RNF227: variants seen among roughly 807,000 people sequenced by gnomAD.
RNF227 encodes ring finger protein 227, also known as long intergenic non-protein coding RNA 2581.
Under a neutral mutation model 4.9 loss-of-function variants are expected in RNF227, and 8 were observed. The observed-to-expected ratio is 1.65, with a 90% confidence interval of 0.97 to 2.98. RNF227 has a LOEUF of 2.98. RNF227 is among the 30% of genes most tolerant of loss of function. The probability of loss-of-function intolerance (pLI) is 0.00; values close to 1 mark genes in which losing one functional copy is unlikely to be tolerated. For synonymous variants in RNF227, 63 were observed against 28.1 expected (o/e 2.25, Z -3.94); for missense variants, 136 against 65.4 (o/e 2.08, Z -3.72).
rs564076849 is a variant in RNF227, at chr17:7,914,376, A to C, written c.*1146T>G. ...AGCCTGACAAACATGGCGAAACCCCATCTCTACTAAAAATACAAAAATTAG... is the reference window on the plus strand; with the variant it reads ...AGCCTGACAAACATGGCGAAACCCCCTCTCTACTAAAAATACAAAAATTAG... On this transcript the variant is annotated 3_prime_UTR_variant, in exon 2 of 2. Coordinates refer to ENST00000324348, the MANE Select transcript of RNF227 (RefSeq NM_001358699.2). The C allele has an allele frequency of 6.6e-6, 1 of 151,954 alleles. No homozygotes were observed. The highest frequency in any genetic ancestry group is 2.1e-4 in the South Asian group (1 of 4,808). The allele number at this position is 151,954 out of a possible 1,614,324, so 9.4% of individuals were successfully genotyped here.
rs1473268277 is a variant in RNF227 at position 7,915,945 on chromosome 17, G to A, written c.251C>T (p.Ser84Leu). 3.0e-6 allele frequency: 2 copies of A among 676,688 alleles called. No homozygotes were observed. Among genetic ancestry groups the A allele is most frequent in the Non-Finnish European group, 2.7e-6 (1 of 367,258 alleles). 41.9% of individuals were successfully genotyped at this position (676,688 alleles called of 1,614,324 possible). ...VVTCPFCRAP[S>L]QLPRGGLTEM... is the part of the protein sequence containing the mutation. ...CGTGAGGCCGCCGCGAGGGAGCTGC[G>A]AGGGCGCGCGGCAGAAGGGGCACGT... Residue 84 changes from serine (S) to leucine (L), a missense_variant, in exon 1 of 2, where the codon TCG (serine) becomes TTG (leucine). Physicochemically the swap from Ser to Leu is moderately radical, Grantham distance 145. Transcript: ENST00000324348.
Position 7,913,864 on chromosome 17 carries a change from G to A in RNF227, c.*1658C>T, listed in dbSNP as rs1288611477. ...CCTAGCACTTTGGGAGGCCGAGGCA[G>A]GCGGATCATGAGGTCAGGAGATCGA... On this transcript the variant is annotated 3_prime_UTR_variant, in exon 2 of 2. Coordinates refer to ENST00000324348, the MANE Select transcript of RNF227 (RefSeq NM_001358699.2). 1.3e-5 allele frequency: 2 copies of A among 152,134 alleles called. No homozygotes were observed. Among genetic ancestry groups the A allele is most frequent in the African/African-American group, 4.8e-5 (2 of 41,434 alleles). 9.4% of individuals were successfully genotyped at this position (152,134 alleles called of 1,614,324 possible).
At position 7,915,931 on chromosome 17, in the gene RNF227, C is replaced by A. The variant is rs1461371602; in HGVS notation, c.265G>T (p.Gly89Cys). 2.9e-6 allele frequency: 2 copies of A among 688,038 alleles called. No individual in the cohort carries two copies. Among genetic ancestry groups the A allele is most frequent in the Non-Finnish European group, 2.7e-6 (1 of 374,186 alleles). 42.6% of individuals were successfully genotyped at this position (688,038 alleles called of 1,614,324 possible). Reference protein sequence around the residue: ...FCRAPSQLPRGGLTEMALDSD... With the variant: ...FCRAPSQLPRCGLTEMALDSD... ...TCAAGAGCCATCTCCGTGAGGCCGC[C>A]GCGAGGGAGCTGCGAGGGCGCGCGG... Residue 89 changes from glycine (G) to cysteine (C), a missense_variant, in exon 1 of 2, where the codon GGC becomes TGC. By Grantham distance (159) the Gly-to-Cys change is radical (BLOSUM62 -3). Transcript: ENST00000324348.
At position 7,915,330 on chromosome 17, in the gene RNF227, T is replaced by C. The variant is rs1188357028; in HGVS notation, c.*192A>G. ...GAAAATGTAAGACTGGCACAGTCAG[T>C]AGATGGGGGCGAGTTCGTCTAGGAG... On this transcript the variant is annotated 3_prime_UTR_variant, in exon 2 of 2. Coordinates refer to ENST00000324348, the MANE Select transcript of RNF227 (RefSeq NM_001358699.2). 4.4e-6 allele frequency: 3 copies of C among 689,620 alleles called. No homozygotes were observed. The highest frequency in any genetic ancestry group is 4.0e-5 in the Admixed American group (2 of 49,444). 42.7% of individuals were successfully genotyped at this position (689,620 alleles called of 1,614,324 possible). A position where few individuals can be genotyped will look rare whatever the true frequency, so the allele number is the denominator to read the frequency against.
chr17:7,915,060 C>T lies in RNF227; in HGVS notation c.*462G>A. ...GGGAGTGGGGAGACAGCAGGCATACCAGCACCCTTACATGCCAGAGAAGTG... is the reference window on the plus strand; with the variant it reads ...GGGAGTGGGGAGACAGCAGGCATACTAGCACCCTTACATGCCAGAGAAGTG... On this transcript the variant is annotated 3_prime_UTR_variant, in exon 2 of 2. Transcript: ENST00000324348. 3.4e-6 allele frequency: 1 copy of T among 291,238 alleles called. No homozygotes were observed. Among genetic ancestry groups the T allele is most frequent in the South Asian group, 3.1e-5 (1 of 31,932 alleles). The allele number at this position is 291,238 out of a possible 1,614,324, so 18.0% of individuals were successfully genotyped here.
Position 7,916,014 on chromosome 17 carries a change from C to G in RNF227, c.182G>C (p.Gly61Ala). ...CLRELAARGD[G>A]GGAAARVVRL... ...CACCACGCGCGCGGCCGCCCCGCCG[C>G]CGTCCCCGCGCGCCGCCAGCTCGCG... Residue 61 changes from glycine to alanine, a missense_variant, in exon 1 of 2, where the codon GGC becomes GCC. Coordinates refer to ENST00000324348, the MANE Select transcript of RNF227 (RefSeq NM_001358699.2). 1 of 350,184 alleles carries G rather than the reference C, an allele frequency of 2.9e-6. No individual in the cohort carries two copies. The highest frequency in any genetic ancestry group is 5.1e-6 in the Non-Finnish European group (1 of 196,178). 21.7% of individuals were successfully genotyped at this position (350,184 alleles called of 1,614,324 possible).
Position 7,915,565 on chromosome 17 carries a change from G to C in RNF227, c.530C>G (p.Ala177Gly). Reference sequence around the variant, plus strand: ...CAGGTGGCCAATGTCCTTGATCTCCGCACAGTAGAGCACTGGGGGAAAGAA... The same window carrying C: ...CAGGTGGCCAATGTCCTTGATCTCCCCACAGTAGAGCACTGGGGGAAAGAA... Reference protein sequence around the residue: ...RPLPSNVLYCAEIKDIGHLTR... With the variant: ...RPLPSNVLYCGEIKDIGHLTR... Residue 177 changes from alanine (A) to glycine (G), a missense_variant, in exon 2 of 2, where the codon GCG (alanine) becomes GGG (glycine). Transcript: ENST00000324348. The C allele has an allele frequency of 1.4e-6, 1 of 703,090 alleles. No homozygotes were observed. Among genetic ancestry groups the C allele is most frequent in the East Asian group, 2.7e-5 (1 of 37,280 alleles). 43.6% of individuals were successfully genotyped at this position (703,090 alleles called of 1,614,324 possible).
chr17:7,916,306 TC>T (rs1971972330), upstream of RNF227: 2 of 343,202 alleles, frequency 5.8e-6, no homozygotes, highest in Non-Finnish European at 1.1e-5. Context: ...GCGGCCTCTT[TC>T]CCCTTTAAAT....
rs1971902425 is a variant in RNF227, at chr17:7,913,343, G to C, written c.*2179C>G. 6.6e-6 allele frequency: 1 copy of C among 152,062 alleles called. No homozygotes were observed. The highest frequency in any genetic ancestry group is 2.1e-4 in the South Asian group (1 of 4,824). The allele number at this position is 152,062 out of a possible 1,614,324, so 9.4% of individuals were successfully genotyped here. A position where few individuals can be genotyped will look rare whatever the true frequency, so the allele number is the denominator to read the frequency against. On this transcript the variant is annotated 3_prime_UTR_variant, in exon 2 of 2. Coordinates refer to ENST00000324348, the MANE Select transcript of RNF227 (RefSeq NM_001358699.2). ...ATTATATTAAAAAATAAGAGATAAAGCCAACAAATATTTATTGAGTACATA... is the reference window on the plus strand; with the variant it reads ...ATTATATTAAAAAATAAGAGATAAACCCAACAAATATTTATTGAGTACATA...
Position 7,914,493 on chromosome 17 carries a change from GC to G in RNF227, c.*1028del, listed in dbSNP as rs1971937339. 1 of 152,328 alleles carries G rather than the reference GC, an allele frequency of 6.6e-6. No homozygotes were observed. Among genetic ancestry groups the G allele is most frequent in the Non-Finnish European group, 1.5e-5 (1 of 68,162 alleles). 9.4% of individuals were successfully genotyped at this position (152,328 alleles called of 1,614,324 possible). A position where few individuals can be genotyped will look rare whatever the true frequency, so the allele number is the denominator to read the frequency against. ...ACCTGGGAGGCGGAGGCTGCAGTGA[GC>G]CGAGATCACGCCACTGCACTCCAGC... On this transcript the variant is annotated 3_prime_UTR_variant, in exon 2 of 2. Coordinates refer to ENST00000324348, the MANE Select transcript of RNF227 (RefSeq NM_001358699.2).
rs1971931222 is a variant in RNF227 at position 7,914,258 on chromosome 17, A to C, written c.*1264T>G. 1 of 150,424 alleles carries C rather than the reference A, an allele frequency of 6.6e-6. No homozygotes were observed. Among genetic ancestry groups the C allele is most frequent in the Non-Finnish European group, 1.5e-5 (1 of 67,552 alleles). 9.3% of individuals were successfully genotyped at this position (150,424 alleles called of 1,614,324 possible). On this transcript the variant is annotated 3_prime_UTR_variant, in exon 2 of 2. Transcript: ENST00000324348. ...TCACCTGGGATTGTTAAAATGCCAG[A>C]GTCTGGCCCGGCGCGGTGGCTCACT...
chr17:7,913,892 C>A lies in RNF227; in HGVS notation c.*1630G>T, dbSNP rs1486892828. The A allele has an allele frequency of 1.3e-5, 2 of 150,684 alleles. No individual in the cohort carries two copies. The highest frequency in any genetic ancestry group is 3.0e-5 in the Non-Finnish European group (2 of 67,600). 9.3% of individuals were successfully genotyped at this position (150,684 alleles called of 1,614,324 possible). A position where few individuals can be genotyped will look rare whatever the true frequency, so the allele number is the denominator to read the frequency against. On this transcript the variant is annotated 3_prime_UTR_variant, in exon 2 of 2. Coordinates refer to ENST00000324348, the MANE Select transcript of RNF227 (RefSeq NM_001358699.2). Reference sequence around the variant, plus strand: ...GGATCATGAGGTCAGGAGATCGAGACCATCCTGGCTAACACGGTGAAACCC... The same window carrying A: ...GGATCATGAGGTCAGGAGATCGAGAACATCCTGGCTAACACGGTGAAACCC...
chr17:7,915,311 G>GT lies in RNF227; in HGVS notation c.*210dup, dbSNP rs1449437382. 1.2e-5 allele frequency: 8 copies of GT among 668,744 alleles called. No homozygotes were observed. Among genetic ancestry groups the GT allele is most frequent in the African/African-American group, 3.6e-5 (2 of 56,258 alleles). 41.4% of individuals were successfully genotyped at this position (668,744 alleles called of 1,614,324 possible). A position where few individuals can be genotyped will look rare whatever the true frequency, so the allele number is the denominator to read the frequency against. On this transcript the variant is annotated 3_prime_UTR_variant, in exon 2 of 2. Transcript: ENST00000324348. The stretch of plus-strand genomic sequence containing the variant: ...CCCTTGGCCACTCCATCCTGAAAAT[G>GT]TAAGACTGGCACAGTCAGTAGATGG...
chr17:7,915,390 T>C lies in RNF227; in HGVS notation c.*132A>G, dbSNP rs1971952759. 5.7e-6 allele frequency: 4 copies of C among 701,864 alleles called. 1 individual carries two copies. In the African/African-American group the frequency reaches 7.0e-5, roughly 12 times the overall value. The allele number at this position is 701,864 out of a possible 1,614,324, so 43.5% of individuals were successfully genotyped here. ...CTCAGCATCAACACCTCCCAGGGCG[T>C]TCCCTCCTGCCTTCGGCTCATCTCT... On this transcript the variant is annotated 3_prime_UTR_variant, in exon 2 of 2. Coordinates refer to ENST00000324348, the MANE Select transcript of RNF227 (RefSeq NM_001358699.2).
Position 7,916,015 on chromosome 17 carries a change from C to T in RNF227, c.181G>A (p.Gly61Ser). 2.9e-6 allele frequency: 1 copy of T among 345,796 alleles called. No homozygotes were observed. Among genetic ancestry groups the T allele is most frequent in the African/African-American group, 2.2e-5 (1 of 46,208 alleles). The allele number at this position is 345,796 out of a possible 1,614,324, so 21.4% of individuals were successfully genotyped here. A position where few individuals can be genotyped will look rare whatever the true frequency, so the allele number is the denominator to read the frequency against. The change falls in exon 1 of 2, where the codon GGC becomes AGC. Residue 61 changes from glycine (G) to serine (S), a missense_variant. Physicochemically the swap from Gly to Ser is moderately conservative, Grantham distance 56. Coordinates refer to ENST00000324348, the MANE Select transcript of RNF227 (RefSeq NM_001358699.2). ...ACCACGCGCGCGGCCGCCCCGCCGC[C>T]GTCCCCGCGCGCCGCCAGCTCGCGG... ...CLRELAARGDGGGAAARVVRL... is the reference protein window; with the variant it reads ...CLRELAARGDSGGAAARVVRL...
chr17:7,914,995 C>T lies in RNF227; in HGVS notation c.*527G>A, dbSNP rs1971947257. 9.4e-6 allele frequency: 2 copies of T among 212,052 alleles called. No individual in the cohort carries two copies. The highest frequency in any genetic ancestry group is 1.9e-5 in the Non-Finnish European group (2 of 102,756). 13.1% of individuals were successfully genotyped at this position (212,052 alleles called of 1,614,324 possible). A position where few individuals can be genotyped will look rare whatever the true frequency, so the allele number is the denominator to read the frequency against. Reference sequence around the variant, plus strand: ...ATGAAGCAAGGCTCCTAATCATAGTCACAGGCAGGGAGCCATCTCAATTTC... The same window carrying T: ...ATGAAGCAAGGCTCCTAATCATAGTTACAGGCAGGGAGCCATCTCAATTTC... On this transcript the variant is annotated 3_prime_UTR_variant, in exon 2 of 2. Coordinates refer to ENST00000324348, the MANE Select transcript of RNF227 (RefSeq NM_001358699.2).
rs913854558 is a variant in RNF227 at position 7,915,174 on chromosome 17, A to T, written c.*348T>A. The T allele has an allele frequency of 4.8e-6, 2 of 418,728 alleles. No homozygotes were observed. The highest frequency in any genetic ancestry group is 8.9e-6 in the Non-Finnish European group (2 of 224,708). 25.9% of individuals were successfully genotyped at this position (418,728 alleles called of 1,614,324 possible). On this transcript the variant is annotated 3_prime_UTR_variant, in exon 2 of 2. Coordinates refer to ENST00000324348, the MANE Select transcript of RNF227 (RefSeq NM_001358699.2). ...CAAACCATTGACAAAGAATTGCTAA[A>T]ATGGGACCTGTTGCTCCCACACACC...
Position 7,914,244 on chromosome 17 carries a change from TGTTAAA to T in RNF227, c.*1272_*1277del, listed in dbSNP as rs1971930757. 6.6e-6 allele frequency: 1 copy of T among 152,002 alleles called. No homozygotes were observed. The highest frequency in any genetic ancestry group is 2.1e-4 in the South Asian group (1 of 4,824). The allele number at this position is 152,002 out of a possible 1,614,324, so 9.4% of individuals were successfully genotyped here. ...CACATGCACACACATCACCTGGGATTGTTAAAATGCCAGAGTCTGGCCCGGCGCGGT... is the reference window on the plus strand; with the variant it reads ...CACATGCACACACATCACCTGGGATTATGCCAGAGTCTGGCCCGGCGCGGT... On this transcript the variant is annotated 3_prime_UTR_variant, in exon 2 of 2. Coordinates refer to ENST00000324348, the MANE Select transcript of RNF227 (RefSeq NM_001358699.2).
Position 7,915,241 on chromosome 17 carries a change from C to G in RNF227, c.*281G>C, listed in dbSNP as rs181756544. On this transcript the variant is annotated 3_prime_UTR_variant, in exon 2 of 2. Coordinates refer to ENST00000324348, the MANE Select transcript of RNF227 (RefSeq NM_001358699.2). ...AAAGCCAACGTCCCAGCTAAGAAAA[C>G]AGTCTGTCTTCTTCCCACGGTAACG... 3.7e-6 allele frequency: 2 copies of G among 542,468 alleles called. No individual in the cohort carries two copies. Among genetic ancestry groups the G allele is most frequent in the Admixed American group, 2.9e-5 (1 of 33,966 alleles). The allele number at this position is 542,468 out of a possible 1,614,324, so 33.6% of individuals were successfully genotyped here. A position where few individuals can be genotyped will look rare whatever the true frequency, so the allele number is the denominator to read the frequency against.
Sources: gnomAD v4.1 joint callset for allele counts on GRCh38, gnomAD v4.1.1 for gene constraint, MANE v1.5 for transcripts, NCBI Gene and HGNC (gene_info 2026-07-23, HGNC 2026-07-21) for gene names.